The following EPB41L2 variants were observed in gnomAD, a reference collection of about 807,000 sequenced individuals.
EPB41L2 encodes erythrocyte membrane protein band 4.1 like 2, also known as band 4.1-like protein 2.
A neutral mutation model predicts 113.0 loss-of-function variants in EPB41L2; 43 were observed. That is an observed-to-expected ratio of 0.38 (90% CI 0.30 to 0.49). The LOEUF is 0.49. EPB41L2 is among the 20% of genes least tolerant of loss of function. The pLI is 0.95. For synonymous variants in EPB41L2, 442 were observed against 436.7 expected, an observed-to-expected ratio of 1.01 and a Z score of -0.15; for missense variants, 1,147 against 1,223.4, an observed-to-expected ratio of 0.94 and a Z score of 0.93.
chr6:130,951,139 C>T (rs1353375988), intron 3 of EPB41L2, among the ~76,000 whole-genome samples: 1 of 151,334 alleles, frequency 6.6e-6, no homozygotes, highest in Non-Finnish European at 1.5e-5. Flanking sequence ...CATCTGTAAT[C>T]CCAGCTACTT....
At chr6:131,009,022 C>T (rs1321179790) in intron 1 of EPB41L2, among the ~76,000 whole-genome samples, 2 of 152,074 alleles carry the variant, frequency 1.3e-5, no homozygotes, top group African/African-American at 4.8e-5. Flanking sequence ...AAGGACATGA[C>T]TGTGTTTTGA....
intron 1 of EPB41L2, among the ~76,000 whole-genome samples, chr6:131,036,495 G>C (rs1562777721): frequency 6.6e-6 from 1 of 152,106 alleles, no homozygotes; most frequent in Non-Finnish European, 1.5e-5. Context: ...AGAGTAAGAG[G>C]ATGAAAACCA....
chr6:130,986,954 G>A (rs1212262996), intron 1 of EPB41L2, among the ~76,000 whole-genome samples: 7 of 152,102 alleles, frequency 4.6e-5, no homozygotes, highest in African/African-American at 7.2e-5. Flanking sequence ...TAAATTTCCC[G>A]ATCCTGGACA....
chr6:130,873,534 C>T (rs1242464253), intron 14 of EPB41L2, among the ~76,000 whole-genome samples: 3 of 150,116 alleles, frequency 2.0e-5, no homozygotes, highest in East Asian at 2.0e-4. Context: ...GCCGCGATCT[C>T]GGCTCACTGC....
chr6:131,046,185 G>A (rs1275531237), intron 1 of EPB41L2, among the ~76,000 whole-genome samples: 1 of 150,462 alleles, frequency 6.6e-6, no homozygotes, highest in African/African-American at 2.5e-5. Flanking sequence ...CTCCCAAAGT[G>A]CTAGGATTAC....
chr6:131,033,985 TACC>T (rs1792782735), intron 1 of EPB41L2, among the ~76,000 whole-genome samples: 1 of 152,216 alleles, frequency 6.6e-6, no homozygotes, highest in Admixed American at 6.5e-5. Context: ...ATATGTATTT[TACC>T]ACAATAAAAA....
chr6:130,981,945 G>A (rs998093657), intron 1 of EPB41L2, among the ~76,000 whole-genome samples: 1 of 151,884 alleles, frequency 6.6e-6, no homozygotes, highest in Admixed American at 6.6e-5. Context: ...TCACCAGCAG[G>A]AAATTTGAAT....
chr6:131,045,070 A>G (rs1212299037), intron 1 of EPB41L2, among the ~76,000 whole-genome samples: 1 of 152,180 alleles, frequency 6.6e-6, no homozygotes, highest in Non-Finnish European at 1.5e-5. Flanking sequence ...GTGCTCAAAC[A>G]CCAGCTCTCA....
At chr6:130,844,858 C>T (rs1484953026) in intron 19 of EPB41L2, among the ~76,000 whole-genome samples, 2 of 151,950 alleles carry the variant, frequency 1.3e-5, no homozygotes, top group African/African-American at 4.8e-5. Flanking sequence ...GCCTGGCCAA[C>T]ATGGCGAAAC....
chr6:130,953,080 T>C (rs1815791023), intron 3 of EPB41L2, among the ~76,000 whole-genome samples: 1 of 150,762 alleles, frequency 6.6e-6, no homozygotes, highest in Admixed American at 6.6e-5. Context: ...AACTGAGGTC[T>C]ACAGAGGTTG....
At chr6:131,031,604 C>G (rs1792170935) in intron 1 of EPB41L2, among the ~76,000 whole-genome samples, 3 of 152,038 alleles carry the variant, frequency 2.0e-5, no homozygotes, top group African/African-American at 7.2e-5. Context: ...TGAATTGCCA[C>G]ACAAAAAAGA....
At chr6:131,055,566 G>T (rs540366567) in intron 1 of EPB41L2, among the ~76,000 whole-genome samples, 74 of 152,276 alleles carry the variant, frequency 4.9e-4, no homozygotes, top group African/African-American at 1.7e-3. Context: ...AGATACTGCA[G>T]ATGCCAACAA....
At chr6:130,962,606 T>C (rs1169946445) in intron 1 of EPB41L2, among the ~76,000 whole-genome samples, 1 of 152,198 alleles carries the variant, frequency 6.6e-6, no homozygotes, top group East Asian at 1.9e-4. Context: ...AAGGGACCTA[T>C]TAGACAGAGC....
intron 1 of EPB41L2, among the ~76,000 whole-genome samples, chr6:130,988,734 T>A (rs1781138620): frequency 6.6e-6 from 1 of 152,174 alleles, no homozygotes; most frequent in Non-Finnish European, 1.5e-5. Flanking sequence ...AGTGGTAAAC[T>A]AATCTACCTG....
chr6:131,009,307 T>C (rs1786357352), intron 1 of EPB41L2, among the ~76,000 whole-genome samples: 1 of 152,182 alleles, frequency 6.6e-6, no homozygotes, highest in Non-Finnish European at 1.5e-5. Flanking sequence ...ACCATGATTG[T>C]AAGCTTCCTG....
At chr6:130,863,564 T>A (rs1199085234) in intron 18 of EPB41L2, 74 bp downstream of exon 18, 3 of 1,050,000 alleles carry the variant, frequency 2.9e-6, no homozygotes, top group Non-Finnish European at 4.4e-6. Flanking sequence ...TACACAGGTA[T>A]GCGACATGAT....
intron 1 of EPB41L2, among the ~76,000 whole-genome samples, chr6:130,997,346 C>CA (rs1484872128): frequency 1.3e-5 from 2 of 152,062 alleles, no homozygotes; most frequent in Non-Finnish European, 2.9e-5. Context: ...CAATGCACAT[C>CA]AACAAAAGAC....
At chr6:131,045,948 CTT>C (rs5880049) in intron 1 of EPB41L2, among the ~76,000 whole-genome samples, 214 of 138,596 alleles carry the variant, frequency 1.5e-3, no homozygotes, top group Non-Finnish European at 1.8e-3. Context: ...TTCTTTCTCT[CTT>C]TTTTTTTTTT....
intron 1 of EPB41L2, among the ~76,000 whole-genome samples, chr6:131,019,024 C>G (rs765362720): frequency 3.3e-5 from 5 of 152,178 alleles, no homozygotes; most frequent in African/African-American, 4.8e-5. Flanking sequence ...TGCATATTAA[C>G]TTTAGGACTG....
Sources: allele counts gnomAD v4.1 joint callset (sites outside exome capture counted in the v4.1 genomes callset), GRCh38; gene constraint gnomAD v4.1.1; transcripts MANE v1.5; gene names NCBI Gene and HGNC (gene_info 2026-07-23, HGNC 2026-07-21).